The following RALYL variants were observed in gnomAD, a reference collection of about 807,000 sequenced individuals.
The protein encoded by RALYL is RNA-binding Raly-like protein.
RALYL carries 29 observed loss-of-function variants against 35.1 expected under a neutral mutation model. The ratio of observed to expected loss-of-function variants is 0.83; its 90% CI spans 0.61 to 1.13. The LOEUF (loss-of-function observed/expected upper bound fraction) is 1.13, where lower values mean the gene tolerates loss of function less well. RALYL is among the 50% of genes most tolerant of loss of function. RALYL has a pLI of 0.00. For missense variants in RALYL, 359 were observed against 360.4 expected (o/e 1.00, Z 0.03); for synonymous variants, 120 against 127.6 (o/e 0.94, Z 0.40).
chr8:84,640,377 C>T (rs779653771), intron 2 of RALYL, among the ~76,000 whole-genome samples: 3 of 151,936 alleles, frequency 2.0e-5, no homozygotes, highest in Non-Finnish European at 4.4e-5. Context: ...AATGTGACTG[C>T]TTCTTATGGG....
At chr8:84,572,482 G>A (rs540071162) in intron 2 of RALYL, among the ~76,000 whole-genome samples, 1 of 151,816 alleles carries the variant, frequency 6.6e-6, no homozygotes, top group East Asian at 1.9e-4. Context: ...TTGTAGGGTT[G>A]ATCTCATAGT....
intron 1 of RALYL, among the ~76,000 whole-genome samples, chr8:84,339,622 T>G (rs1186184027): frequency 4.6e-5 from 7 of 152,048 alleles, no homozygotes; most frequent in Admixed American, 1.3e-4. Flanking sequence ...TGTTCTTGAA[T>G]TATCCTGAAA....
chr8:84,370,606 G>A (rs980616215), intron 1 of RALYL, among the ~76,000 whole-genome samples: 23 of 151,996 alleles, frequency 1.5e-4, no homozygotes, highest in Non-Finnish European at 1.5e-5. Context: ...AGGAAAATAC[G>A]AGAGCAGCAG....
rs560152894 is a variant in RALYL, at chr8:84,819,863, C to T, written c.365+15061C>T. ...TGATATTTCAAAAGAGTGTTATCAG[C>T]ACTTCTACCACTATCTAATTTGTTC... On this transcript the variant is annotated intron_variant, in intron 4 of 8. Transcript: ENST00000521268. Among the ~76,000 whole-genome samples the T allele has an allele frequency of 6.6e-5, 10 of 152,228 alleles. No homozygotes were observed. In the South Asian group the frequency reaches 2.1e-3, roughly 32 times the overall value.
At chr8:84,278,765 C>T (rs1224585702) in intron 1 of RALYL, among the ~76,000 whole-genome samples, 2 of 152,182 alleles carry the variant, frequency 1.3e-5, no homozygotes, top group Non-Finnish European at 2.9e-5. Flanking sequence ...GAGACCACCT[C>T]AACCTGGACT....
chr8:84,282,512 G>A (rs1048791632), intron 1 of RALYL, among the ~76,000 whole-genome samples: 26 of 152,012 alleles, frequency 1.7e-4, no homozygotes, highest in African/African-American at 6.0e-4. Flanking sequence ...AAAGGCAGGA[G>A]GAGGTAGGGA....
chr8:84,202,137 C>T (rs1365664067), intron 1 of RALYL, among the ~76,000 whole-genome samples: 1 of 150,320 alleles, frequency 6.7e-6, no homozygotes, highest in Non-Finnish European at 1.5e-5. Flanking sequence ...GGTTATTTTA[C>T]TGTAATATTG....
chr8:84,876,208 C>CACA (rs1372061470), intron 7 of RALYL, among the ~76,000 whole-genome samples: 1 of 152,144 alleles, frequency 6.6e-6, no homozygotes, highest in Non-Finnish European at 1.5e-5. Context: ...ATGTACTGGG[C>CACA]ACAACTTAGC....
chr8:84,751,056 C>T lies in RALYL; in HGVS notation c.257-23523C>T, dbSNP rs188603216. ...TCTTGAGAAACTGTTAGTCCTTTAT[C>T]GGCCATATCACTGTGCTTTTCACCT... On this transcript the variant is annotated intron_variant, in intron 2 of 8. Transcript: ENST00000521268. Among the ~76,000 whole-genome samples, 150 of 152,168 alleles carry T rather than the reference C, an allele frequency of 9.9e-4. 1 individual carries two copies. In the South Asian group the frequency reaches 0.024, roughly 24 times the overall value.
chr8:84,213,524 T>A (rs1167862861), intron 1 of RALYL, among the ~76,000 whole-genome samples: 1 of 152,242 alleles, frequency 6.6e-6, no homozygotes. Flanking sequence ...ATTTTATTTT[T>A]AAAATTCTTA....
At chr8:84,769,746 C>G (rs1166319302) in intron 2 of RALYL, among the ~76,000 whole-genome samples, 1 of 151,948 alleles carries the variant, frequency 6.6e-6, no homozygotes, top group Non-Finnish European at 1.5e-5. Flanking sequence ...CAGAGAAAAA[C>G]AAAAACAAAC....
intron 4 of RALYL, among the ~76,000 whole-genome samples, chr8:84,806,475 T>G (rs1162910518): frequency 1.3e-5 from 2 of 152,102 alleles, no homozygotes; most frequent in Admixed American, 1.3e-4. Context: ...TATTGCATAC[T>G]TCTGTTTTAA....
rs1220425829 is a variant in RALYL, at chr8:84,367,358, T to G, written c.-23-161941T>G. Among the ~76,000 whole-genome samples the G allele has an allele frequency of 2.0e-3, 173 of 84,472 alleles. 2 individuals are homozygous for G. Among genetic ancestry groups the G allele is most frequent in the African/African-American group, 8.5e-3 (153 of 17,996 alleles). 55.4% of individuals were successfully genotyped at this position (84,472 alleles called of 152,430 possible). A position where few individuals can be genotyped will look rare whatever the true frequency, so the allele number is the denominator to read the frequency against. ...TTTTTTTTTTTTTTTTTTTTTTTTT[T>G]TTTTTTTTTTTAGTAGAGGCAGGGT... On this transcript the variant is annotated intron_variant, in intron 1 of 8. Coordinates refer to ENST00000521268, the MANE Select transcript of RALYL (RefSeq NM_173848.7).
chr8:84,468,509 A>T (rs971956132), intron 1 of RALYL, among the ~76,000 whole-genome samples: 2 of 149,430 alleles, frequency 1.3e-5, no homozygotes, highest in African/African-American at 4.9e-5. Context: ...CTGCCGAGAG[A>T]TCTGCTGTTA....
intron 2 of RALYL, among the ~76,000 whole-genome samples, chr8:84,535,384 G>C (rs1250586446): frequency 6.6e-6 from 1 of 150,652 alleles, no homozygotes; most frequent in Admixed American, 6.6e-5. Flanking sequence ...CATTGATTTT[G>C]CTTTGTTTGT....
At chr8:84,716,743 A>G (rs1842995285) in intron 2 of RALYL, among the ~76,000 whole-genome samples, 1 of 152,170 alleles carries the variant, frequency 6.6e-6, no homozygotes, top group African/African-American at 2.4e-5. Flanking sequence ...TCACCATCCC[A>G]GTTTTCAAGA....
chr8:84,342,819 A>T (rs916648217), intron 1 of RALYL, among the ~76,000 whole-genome samples: 4 of 152,052 alleles, frequency 2.6e-5, no homozygotes, highest in African/African-American at 9.7e-5. Context: ...GAAGCAGGTG[A>T]TGTAAACTGT....
intron 1 of RALYL, among the ~76,000 whole-genome samples, chr8:84,504,632 A>T (rs549160224): frequency 3.3e-5 from 5 of 152,162 alleles, no homozygotes; most frequent in Non-Finnish European, 7.4e-5. Context: ...AAAAGGCAAG[A>T]TTTAAAAAGA....
At chr8:84,434,404 T>C (rs759734433) in intron 1 of RALYL, among the ~76,000 whole-genome samples, 1 of 152,132 alleles carries the variant, frequency 6.6e-6, no homozygotes, top group African/African-American at 2.4e-5. Context: ...GTACAGATTC[T>C]TAGCTAAGGA....
Sources: allele counts gnomAD v4.1 joint callset (sites outside exome capture counted in the v4.1 genomes callset), GRCh38; gene constraint gnomAD v4.1.1; transcripts MANE v1.5; gene names NCBI Gene and HGNC (gene_info 2026-07-23, HGNC 2026-07-21).